ASIC2: variants seen among roughly 807,000 people sequenced by gnomAD.
ASIC2 encodes acid sensing ion channel subunit 2, also known as acid-sensing ion channel 2.
A neutral mutation model predicts 57.3 loss-of-function variants in ASIC2; 25 were observed. The observed-to-expected ratio is 0.44, with a 90% CI of 0.32 to 0.61. The LOEUF is 0.61. ASIC2 is among the 20% of genes least tolerant of loss of function. The pLI, the probability that ASIC2 is intolerant of heterozygous loss-of-function variation, is 0.06. For synonymous variants in ASIC2, 319 were observed against 307.5 expected, an observed-to-expected ratio of 1.04 and a Z score of -0.39; for missense variants, 641 against 738.1, an observed-to-expected ratio of 0.87 and a Z score of 1.52.
At chr17:33,882,503 T>A (rs972700918) in intron 1 of ASIC2, among the ~76,000 whole-genome samples, 21 of 152,034 alleles carry the variant, frequency 1.4e-4, no homozygotes, top group Non-Finnish European at 2.6e-4. Context: ...AACAGACACA[T>A]GAAAAAATGC....
At chr17:33,716,161 G>A (rs1444730042) in intron 1 of ASIC2, among the ~76,000 whole-genome samples, 2 of 152,150 alleles carry the variant, frequency 1.3e-5, no homozygotes, top group Non-Finnish European at 2.9e-5. Flanking sequence ...TGCAGGAACA[G>A]CCTTCTAACT....
At chr17:33,708,293 G>A (rs1597843600) in intron 1 of ASIC2, among the ~76,000 whole-genome samples, 1 of 152,178 alleles carries the variant, frequency 6.6e-6, no homozygotes, top group Non-Finnish European at 1.5e-5. Flanking sequence ...GCAACCTTAT[G>A]GGCATTTTAT....
intron 1 of ASIC2, among the ~76,000 whole-genome samples, chr17:33,236,029 G>T (rs1411827823): frequency 3.3e-5 from 5 of 151,974 alleles, no homozygotes; most frequent in African/African-American, 1.2e-4. Flanking sequence ...TAGAGACAGG[G>T]TTTCACCACG....
chr17:33,662,490 G>GA (rs993076821), intron 1 of ASIC2, among the ~76,000 whole-genome samples: 4 of 151,566 alleles, frequency 2.6e-5, no homozygotes, highest in Non-Finnish European at 5.9e-5. Flanking sequence ...GTGTGGTGGG[G>GA]GGGGCACCTG....
intron 1 of ASIC2, among the ~76,000 whole-genome samples, chr17:33,839,855 A>G (rs1050652971): frequency 6.6e-6 from 1 of 152,180 alleles, no homozygotes; most frequent in African/African-American, 2.4e-5. Flanking sequence ...AGCACACCAG[A>G]GCCAGCCTTG....
chr17:33,476,646 G>T (rs1382648054), intron 1 of ASIC2, among the ~76,000 whole-genome samples: 6 of 151,730 alleles, frequency 4.0e-5, no homozygotes, highest in African/African-American at 1.5e-4. Context: ...ACTTCCAAGA[G>T]GGGGTGCAGC....
chr17:34,026,812 T>A (rs1476440060), intron 1 of ASIC2, among the ~76,000 whole-genome samples: 1 of 152,150 alleles, frequency 6.6e-6, no homozygotes, highest in Non-Finnish European at 1.5e-5. Context: ...ATACACTGAA[T>A]TAGTGGCCAA....
chr17:34,038,090 G>A (rs370835236), intron 1 of ASIC2: 457 of 1,613,158 alleles, frequency 2.8e-4, no homozygotes, highest in East Asian at 3.6e-4. Context: ...CATGATCTTC[G>A]AAAGACCAAA....
At chr17:33,395,669 C>G (rs542549960) in intron 1 of ASIC2, among the ~76,000 whole-genome samples, 14 of 152,306 alleles carry the variant, frequency 9.2e-5, no homozygotes, top group Non-Finnish European at 1.6e-4. Context: ...TATTGAGAGC[C>G]TATTATACGT....
chr17:34,031,992 A>G (rs905097707), intron 1 of ASIC2, among the ~76,000 whole-genome samples: 19 of 152,164 alleles, frequency 1.2e-4, no homozygotes, highest in Non-Finnish European at 2.1e-4. Flanking sequence ...CCAACATTCA[A>G]ATTCAGGAAA....
intron 1 of ASIC2, among the ~76,000 whole-genome samples, chr17:33,218,611 T>A (rs1761726065): frequency 6.6e-6 from 1 of 151,386 alleles, no homozygotes; most frequent in South Asian, 2.1e-4. Flanking sequence ...TTATCATTAT[T>A]ATAAGTTGAG....
rs564052447 is a variant in ASIC2 at position 34,092,565 on chromosome 17, G to A, written c.555+63413C>T. On this transcript the variant is annotated intron_variant, in intron 1 of 9. Transcript: ENST00000359872. ...CACCTTGTTTTGCATCTTTGATCAA[G>A]GCTTTGGAAAGAGACTCACGTGTGA... Among the ~76,000 whole-genome samples, 5 of 152,336 alleles carry A rather than the reference G, an allele frequency of 3.3e-5. No homozygotes were observed. The South Asian group carries it at 1.0e-3, about 32-fold the overall frequency.
rs73276681 is a variant in ASIC2, at chr17:33,977,779, G to A, written c.555+178199C>T. On this transcript the variant is annotated intron_variant, in intron 1 of 9. Transcript: ENST00000359872. ...GTTTCCTTTTCTGTCCCTCCCAACAGAAGCCTCATGACACTGATTGTTCCC... is the reference window on the plus strand; with the variant it reads ...GTTTCCTTTTCTGTCCCTCCCAACAAAAGCCTCATGACACTGATTGTTCCC... Among the ~76,000 whole-genome samples, 850 of 152,282 alleles carry A rather than the reference G, an allele frequency of 5.6e-3. 8 individuals are homozygous for A. The highest frequency in any genetic ancestry group is 0.02 in the African/African-American group (813 of 41,544).
At chr17:33,031,988 A>T (rs1356541869) in intron 3 of ASIC2, among the ~76,000 whole-genome samples, 1 of 152,182 alleles carries the variant, frequency 6.6e-6, no homozygotes, top group African/African-American at 2.4e-5. Flanking sequence ...ATCTTTATAT[A>T]TTTAAGGTAC....
At chr17:33,019,715 C>T (rs1458453154) in intron 7 of ASIC2, among the ~76,000 whole-genome samples, 2 of 152,060 alleles carry the variant, frequency 1.3e-5, no homozygotes, top group Admixed American at 6.5e-5. Flanking sequence ...GATGGGAACA[C>T]GATCGATGCT....
upstream of ASIC2, among the ~76,000 whole-genome samples, chr17:33,298,272 C>A (rs151243296): frequency 2.6e-5 from 4 of 152,032 alleles, no homozygotes; most frequent in African/African-American, 9.7e-5. Flanking sequence ...CCACTTCCCC[C>A]ACCCCACGAC....
intron 1 of ASIC2, among the ~76,000 whole-genome samples, chr17:33,804,256 A>C (rs1029993655): frequency 6.6e-6 from 1 of 152,190 alleles, no homozygotes; most frequent in African/African-American, 2.4e-5. Context: ...ATTTAATTGC[A>C]CCATTGTAAA....
chr17:33,527,119 A>G (rs528435807), intron 1 of ASIC2, among the ~76,000 whole-genome samples: 1 of 152,324 alleles, frequency 6.6e-6, no homozygotes, highest in Non-Finnish European at 1.5e-5. Flanking sequence ...ACAATAGAGA[A>G]TGCATGTGGA....
At chr17:34,139,173 CT>C (rs1912204319) in intron 1 of ASIC2, among the ~76,000 whole-genome samples, 1 of 152,144 alleles carries the variant, frequency 6.6e-6, no homozygotes, top group African/African-American at 2.4e-5. Flanking sequence ...ATGGAGCTAC[CT>C]AGCAGTTATT....
Sources: gnomAD v4.1 joint callset for allele counts (sites outside exome capture counted in the v4.1 genomes callset) on GRCh38, gnomAD v4.1.1 for gene constraint, MANE v1.5 for transcripts, NCBI Gene and HGNC (gene_info 2026-07-23, HGNC 2026-07-21) for gene names.